The following CNTN6 variants were observed in gnomAD, a reference collection of about 807,000 sequenced individuals.
CNTN6 encodes contactin 6.
In CNTN6, 137 loss-of-function variants were observed where a neutral mutation model predicts 122.8. The ratio of observed to expected loss-of-function variants is 1.12; its 90% CI spans 0.97 to 1.29. The LOEUF is 1.29. Ranked by LOEUF, CNTN6 falls within the 50% of genes most tolerant of loss-of-function variation. The pLI is 0.00. For missense variants in CNTN6, 1,634 were observed against 1,223.4 expected, an observed-to-expected ratio of 1.34 and a Z score of -5.01; for synonymous variants, 570 against 426.0, an observed-to-expected ratio of 1.34 and a Z score of -4.16.
At position 1,238,630 on chromosome 3, in the gene CNTN6, A is replaced by G. The variant is rs149558936; in HGVS notation, c.358+10637A>G. Among the ~76,000 whole-genome samples, 519 of 152,360 alleles carry G rather than the reference A, an allele frequency of 3.4e-3. 4 individuals carry two copies. The highest frequency in any genetic ancestry group is 0.012 in the African/African-American group (489 of 41,590). Reference sequence around the variant, plus strand: ...ACAGAAAATTCTATCCAACAACTGCAGAATACACATTCTATTCATCAGCAC... The same window carrying G: ...ACAGAAAATTCTATCCAACAACTGCGGAATACACATTCTATTCATCAGCAC... On this transcript the variant is annotated intron_variant, in intron 4 of 22. Coordinates refer to ENST00000446702, the MANE Select transcript of CNTN6 (RefSeq NM_001289080.2).
intron 1 of CNTN6, among the ~76,000 whole-genome samples, chr3:1,137,596 A>G (rs2092510456): frequency 1.3e-5 from 2 of 152,162 alleles, no homozygotes; most frequent in Admixed American, 1.3e-4. Context: ...TCATTTATCT[A>G]TTCCTAGTCA....
intron 8 of CNTN6, among the ~76,000 whole-genome samples, chr3:1,323,855 A>G (rs1018619721): frequency 2.6e-5 from 4 of 151,758 alleles, no homozygotes; most frequent in African/African-American, 9.7e-5. Context: ...TGCTCTCCAG[A>G]ATTTTAATCA....
chr3:1,136,045 G>A (rs2092464425), intron 1 of CNTN6, among the ~76,000 whole-genome samples: 2 of 152,142 alleles, frequency 1.3e-5, no homozygotes, highest in African/African-American at 4.8e-5. Flanking sequence ...TGATTGGCAT[G>A]AAAGCAATTA....
chr3:1,298,280 A>C (rs1427194992), intron 7 of CNTN6: 2 of 260,736 alleles, frequency 7.7e-6, no homozygotes, highest in Non-Finnish European at 1.5e-5. Context: ...CAAGGGAATA[A>C]GTGCACTCGT....
chr3:1,374,176 A>G, intron 16 of CNTN6, 103 bp downstream of exon 16: 1 of 1,221,214 alleles, frequency 8.2e-7, no homozygotes, highest in South Asian at 2.0e-5. Context: ...TTGGCTCAAA[A>G]TTGTTTGGCA....
intron 1 of CNTN6, among the ~76,000 whole-genome samples, chr3:1,142,504 T>C (rs1393522077): frequency 1.3e-5 from 2 of 152,178 alleles, no homozygotes; most frequent in African/African-American, 4.8e-5. Context: ...AAAATACAGT[T>C]GGATAATCCT....
chr3:1,401,425 C>G lies in CNTN6; in HGVS notation c.2705-8C>G. 2 of 1,606,536 alleles carry G rather than the reference C, an allele frequency of 1.2e-6. No individual in the cohort carries two copies. Among genetic ancestry groups the G allele is most frequent in the Non-Finnish European group, 1.7e-6 (2 of 1,173,998 alleles). On this transcript the variant is annotated splice_region_variant and splice_polypyrimidine_tract_variant and intron_variant, in intron 20 of 22. Transcript: ENST00000446702. ...CATTCATTTGGATCTTTGATTATCT[C>G]TTTAAAGCTCCAAGCCAACCACCAG... is the stretch of plus-strand genomic sequence containing the variant.
intron 2 of CNTN6, among the ~76,000 whole-genome samples, chr3:1,161,457 T>C (rs146249600): frequency 4.1e-4 from 62 of 151,174 alleles, no homozygotes; most frequent in African/African-American, 1.4e-3. Context: ...ATTATGATAT[T>C]ATATATTTTA....
At chr3:1,295,578 T>C (rs1265919665) in intron 5 of CNTN6, 23 bp from the exon 6 acceptor site, 1 of 1,597,604 alleles carries the variant, frequency 6.3e-7, no homozygotes. Context: ...TTGTTTTGTT[T>C]TGTTTTGTTT....
intron 7 of CNTN6, among the ~76,000 whole-genome samples, chr3:1,310,152 A>G (rs1399445067): frequency 3.9e-5 from 6 of 152,104 alleles, no homozygotes; most frequent in African/African-American, 1.4e-4. Flanking sequence ...TTTCCAATAC[A>G]ATGATGACAG....
chr3:1,094,399 GTTTCTT>G (rs1229133230), intron 1 of CNTN6, among the ~76,000 whole-genome samples: 1 of 152,000 alleles, frequency 6.6e-6, no homozygotes, highest in South Asian at 2.1e-4. Flanking sequence ...TTTCAGTGGG[GTTTCTT>G]TTTCTTTTTT....
intron 1 of CNTN6, among the ~76,000 whole-genome samples, chr3:1,108,141 A>G (rs1056877178): frequency 2.6e-5 from 4 of 152,028 alleles, no homozygotes; most frequent in Admixed American, 2.0e-4. Context: ...TAGAGAATAA[A>G]TGTTTTTTAA....
At chr3:1,116,590 C>A (rs886190697) in intron 1 of CNTN6, among the ~76,000 whole-genome samples, 4 of 151,582 alleles carry the variant, frequency 2.6e-5, no homozygotes, top group Non-Finnish European at 4.4e-5. Flanking sequence ...GGAAAGAAAA[C>A]CTGATATAGA....
chr3:1,233,734 C>CAAAAAAAAAAAAAAAAA (rs1166507455), intron 4 of CNTN6, among the ~76,000 whole-genome samples: 2 of 52,168 alleles, frequency 3.8e-5, no homozygotes, highest in African/African-American at 8.6e-5. Flanking sequence ...GACTCTGTCT[C>CAAAAAAAAAAAAAAAAA]AAAAAAAAAA....
chr3:1,145,840 T>A (rs1226215847), intron 1 of CNTN6, among the ~76,000 whole-genome samples: 1 of 152,166 alleles, frequency 6.6e-6, no homozygotes, highest in African/African-American at 2.4e-5. Flanking sequence ...GTCTTGAATA[T>A]CATTCCAAAG....
At chr3:1,205,714 C>G (rs908905620) in intron 2 of CNTN6, among the ~76,000 whole-genome samples, 2 of 152,120 alleles carry the variant, frequency 1.3e-5, no homozygotes, top group Non-Finnish European at 2.9e-5. Flanking sequence ...ACTCACTGAT[C>G]AATGAAGGGA....
At chr3:1,216,995 G>T (rs766767992) in intron 2 of CNTN6, among the ~76,000 whole-genome samples, 2 of 152,066 alleles carry the variant, frequency 1.3e-5, no homozygotes, top group African/African-American at 2.4e-5. Context: ...GCTGATGATT[G>T]TCATAATTTG....
At chr3:1,322,847 A>G (rs897422533) in intron 8 of CNTN6, among the ~76,000 whole-genome samples, 1 of 151,704 alleles carries the variant, frequency 6.6e-6, no homozygotes, top group African/African-American at 2.4e-5. Context: ...TTATTCTCCT[A>G]CAGTTTTAGC....
intron 4 of CNTN6, among the ~76,000 whole-genome samples, chr3:1,265,715 C>A (rs1424996957): frequency 1.3e-5 from 2 of 152,118 alleles, no homozygotes; most frequent in Non-Finnish European, 2.9e-5. Flanking sequence ...GCAGTCAGAC[C>A]ACTTTGGTTG....
Sources: allele counts gnomAD v4.1 joint callset (sites outside exome capture counted in the v4.1 genomes callset), GRCh38; gene constraint gnomAD v4.1.1; transcripts MANE v1.5; gene names NCBI Gene and HGNC (gene_info 2026-07-23, HGNC 2026-07-21).